OTULINL: variants seen among roughly 807,000 people sequenced by gnomAD.
OTULINL encodes the protein inactive ubiquitin thioesterase OTULINL.
In OTULINL, 42 loss-of-function variants were observed where a neutral mutation model predicts 43.9. The ratio of observed to expected loss-of-function variants is 0.96; its 90% confidence interval spans 0.75 to 1.24. The LOEUF (loss-of-function observed/expected upper bound fraction) is 1.24. Ranked by LOEUF, OTULINL falls within the 50% of genes most tolerant of loss-of-function variation. The probability of loss-of-function intolerance (pLI) is 0.00; values close to 1 mark genes in which losing one functional copy is unlikely to be tolerated. For missense variants in OTULINL, 411 were observed against 426.4 expected (o/e 0.96, Z 0.32); for synonymous variants, 172 against 153.6 (o/e 1.12, Z -0.88).
At chr5:14,594,649 C>T (rs148248787) in intron 1 of OTULINL, among the ~76,000 whole-genome samples, 1,578 of 152,276 alleles carry the variant, frequency 0.01, 28 homozygotes, top group African/African-American at 0.035. Context: ...GGGAAGGGAG[C>T]GGGCAGCCCT....
Position 14,581,912 on chromosome 5 carries a change from C to A in OTULINL, c.18C>A (p.Ser6Arg). The A allele has an allele frequency of 1.4e-6, 2 of 1,412,444 alleles. No homozygotes were observed. The highest frequency in any genetic ancestry group is 2.7e-5 in the Admixed American group (1 of 36,662). The allele number at this position is 1,412,444 out of a possible 1,614,324, so 87.5% of individuals were successfully genotyped here. ...CGGCCGGCATGGCGGCGACAAGGAG[C>A]CCCACGCGGGCAAGGGAGCGGGAGC... MAATR[S>R]PTRARERERS... is the part of the protein sequence containing the mutation. The change falls in exon 1 of 8, where the codon AGC becomes AGA. Residue 6 changes from serine to arginine, a missense_variant. Physicochemically the swap from Ser to Arg is moderately radical, Grantham distance 110 (BLOSUM62 -1). Coordinates refer to ENST00000274217, the MANE Select transcript of OTULINL (RefSeq NM_019018.3).
At chr5:14,582,045 C>A in intron 1 of OTULINL, 87 bp downstream of exon 1, 1 of 1,000,022 alleles carries the variant, frequency 1.0e-6, no homozygotes, top group Non-Finnish European at 1.3e-6. Flanking sequence ...AGGGACGCGC[C>A]CTCCTCGGCG....
At chr5:14,591,646 C>T (rs559085350) in intron 1 of OTULINL, among the ~76,000 whole-genome samples, 1 of 152,316 alleles carries the variant, frequency 6.6e-6, no homozygotes, top group African/African-American at 2.4e-5. Context: ...CCCTGGCCCT[C>T]TCTTCCCTTC....
At chr5:14,607,600 T>G in intron 6 of OTULINL, 142 bp downstream of exon 6, 1 of 1,000,312 alleles carries the variant, frequency 1.0e-6, no homozygotes. Context: ...TAACTGATGA[T>G]TTCCCTCCTT....
At chr5:14,585,314 T>C (rs2126768275) in intron 1 of OTULINL, among the ~76,000 whole-genome samples, 1 of 150,868 alleles carries the variant, frequency 6.6e-6, no homozygotes, top group Admixed American at 6.6e-5. Context: ...CACAATAGAA[T>C]GCTTAAAACC....
Position 14,600,163 on chromosome 5 carries a change from A to G in OTULINL, c.65-802A>G, listed in dbSNP as rs538612299. ...GGGTGGTTACCCTCATGTTGTTCTC[A>G]TGCTAGTGAGTTCTCACGAGATCTG... On this transcript the variant is annotated intron_variant, in intron 1 of 7. Transcript: ENST00000274217. Among the ~76,000 whole-genome samples the G allele has an allele frequency of 2.8e-4, 42 of 152,308 alleles. 1 individual carries two copies. Among genetic ancestry groups the G allele is most frequent in the African/African-American group, 8.2e-4 (34 of 41,558 alleles).
rs1034650529 is a variant in OTULINL, at chr5:14,614,739, C to A, written c.*4425C>A. On this transcript the variant is annotated 3_prime_UTR_variant, in exon 8 of 8. Transcript: ENST00000274217. ...AAGCTCCATGTGGGAACAGTGTGGC[C>A]CAAGAGCCAGCATGGAGGAGGGCTG... The A allele has an allele frequency of 2.5e-6, 1 of 398,398 alleles. No homozygotes were observed. Among genetic ancestry groups the A allele is most frequent in the Admixed American group, 4.4e-5 (1 of 22,696 alleles). 24.7% of individuals were successfully genotyped at this position (398,398 alleles called of 1,614,324 possible).
chr5:14,605,678 C>A lies in OTULINL; in HGVS notation c.499-1652C>A, dbSNP rs544913744. Among the ~76,000 whole-genome samples the A allele has an allele frequency of 9.2e-5, 14 of 152,278 alleles. No individual in the cohort carries two copies. The South Asian group carries it at 2.1e-3, about 23-fold the overall frequency. On this transcript the variant is annotated intron_variant, in intron 5 of 7. Transcript: ENST00000274217. ...CTTTGCTGCTTAGAAATTTCTTTCA[C>A]CAGATACTCTAAATCATCTCTCTCA...
intron 5 of OTULINL, among the ~76,000 whole-genome samples, chr5:14,606,358 G>A (rs1759475689): frequency 6.6e-6 from 1 of 152,178 alleles, no homozygotes; most frequent in South Asian, 2.1e-4. Context: ...GGGAATTCAA[G>A]ATGAGATTTG....
chr5:14,591,392 G>A (rs929169970), intron 1 of OTULINL, among the ~76,000 whole-genome samples: 25 of 152,194 alleles, frequency 1.6e-4, no homozygotes, highest in African/African-American at 6.0e-4. Flanking sequence ...TGCTAGCAGT[G>A]CCCAAGCTGA....
At chr5:14,582,894 G>A (rs962259535) in intron 1 of OTULINL, among the ~76,000 whole-genome samples, 1 of 151,274 alleles carries the variant, frequency 6.6e-6, no homozygotes, top group Non-Finnish European at 1.5e-5. Context: ...GCTGGGTCTC[G>A]ACGTCTCCAC....
rs1165486825 is a variant in OTULINL, at chr5:14,612,929, T to G, written c.*2615T>G. 5.5e-4 allele frequency among the ~76,000 whole-genome samples: 1 copy of G among 1,828 alleles called. No homozygotes were observed. Among genetic ancestry groups the G allele is most frequent in the African/African-American group, 1.2e-3 (1 of 868 alleles). 1.2% of individuals were successfully genotyped at this position (1,828 alleles called of 152,430 possible). On this transcript the variant is annotated 3_prime_UTR_variant, in exon 8 of 8. Coordinates refer to ENST00000274217, the MANE Select transcript of OTULINL (RefSeq NM_019018.3). ...TAACATATAGTTTATATTTTAACAA[T>G]TTTTTTTTTTGAGACGGAGTTTCAC...
chr5:14,602,474 C>A, intron 5 of OTULINL, 142 bp downstream of exon 5: 2 of 704,466 alleles, frequency 2.8e-6, no homozygotes, highest in East Asian at 5.4e-5. Context: ...ATCTCACTGT[C>A]ACCCAGGATT....
chr5:14,610,133 A>G lies in OTULINL; in HGVS notation c.898-8A>G. 1 of 1,608,724 alleles carries G rather than the reference A, an allele frequency of 6.2e-7. No individual in the cohort carries two copies. The highest frequency in any genetic ancestry group is 8.5e-7 in the Non-Finnish European group (1 of 1,175,526). On this transcript the variant is annotated splice_polypyrimidine_tract_variant and splice_region_variant and intron_variant, in intron 7 of 7. Coordinates refer to ENST00000274217, the MANE Select transcript of OTULINL (RefSeq NM_019018.3). ...GTATCTGTGACCTGTCTTTCATCTC[A>G]TCCACAGATTGATATGTTTATACTT...
chr5:14,591,039 GATTAGTAACT>G (rs1759192583), intron 1 of OTULINL, among the ~76,000 whole-genome samples: 1 of 152,204 alleles, frequency 6.6e-6, no homozygotes, highest in Non-Finnish European at 1.5e-5. Flanking sequence ...CAATCAAAAG[GATTAGTAACT>G]ATTAGTGATG....
chr5:14,606,533 T>C (rs971436528), intron 5 of OTULINL, among the ~76,000 whole-genome samples: 1 of 152,252 alleles, frequency 6.6e-6, no homozygotes, highest in African/African-American at 2.4e-5. Context: ...CATAATCTTA[T>C]TTAATCCTAA....
intron 1 of OTULINL, among the ~76,000 whole-genome samples, chr5:14,593,875 A>G (rs1295076419): frequency 6.6e-6 from 1 of 152,176 alleles, no homozygotes; most frequent in African/African-American, 2.4e-5. Context: ...GATGGTGCTG[A>G]TAGCATAAGT....
rs753864991 is a variant in OTULINL at position 14,611,342 on chromosome 5, T to C, written c.*1028T>C. ...AAAGTGGAAGAGGGAATTGGAAGAG[T>C]GTCAGAGTCAGAGGGGAATGTGAAA... On this transcript the variant is annotated 3_prime_UTR_variant, in exon 8 of 8. Transcript: ENST00000274217. The C allele has an allele frequency of 5.3e-5, 8 of 151,896 alleles. No individual in the cohort carries two copies. Among genetic ancestry groups the C allele is most frequent in the Non-Finnish European group, 1.2e-4 (8 of 67,994 alleles). 9.4% of individuals were successfully genotyped at this position (151,896 alleles called of 1,614,324 possible).
At chr5:14,587,906 C>T (rs1165226256) in intron 1 of OTULINL, among the ~76,000 whole-genome samples, 1 of 152,144 alleles carries the variant, frequency 6.6e-6, no homozygotes, top group Non-Finnish European at 1.5e-5. Context: ...CTCCCTTTCC[C>T]TCCCAGTCTC....
Sources: allele counts gnomAD v4.1 joint callset (sites outside exome capture counted in the v4.1 genomes callset), GRCh38; gene constraint gnomAD v4.1.1; transcripts MANE v1.5; gene names NCBI Gene and HGNC (gene_info 2026-07-23, HGNC 2026-07-21).